Variants in ZNF251 observed in about 807,000 individuals in gnomAD.
The protein encoded by ZNF251 is zinc finger protein 251.
In ZNF251, 14 loss-of-function variants were observed where a neutral mutation model predicts 13.5. The observed-to-expected ratio is 1.04, with a 90% CI of 0.69 to 1.63. The LOEUF (loss-of-function observed/expected upper bound fraction) is 1.63. Ranked by LOEUF, ZNF251 falls within the 40% of genes most tolerant of loss-of-function variation. ZNF251 has a pLI of 0.00. For synonymous variants in ZNF251, 287 were observed against 295.2 expected (o/e 0.97, Z 0.28); for missense variants, 764 against 834.9 (o/e 0.92, Z 1.05).
intron 4 of ZNF251, among the ~76,000 whole-genome samples, chr8:144,747,375 G>C (rs1033866916): frequency 1.3e-5 from 2 of 152,154 alleles, no homozygotes; most frequent in Admixed American, 1.3e-4. Context: ...CCCAGAATGT[G>C]GTCTATCTTA....
At chr8:144,744,401 C>CT (rs1186138280) in intron 4 of ZNF251, among the ~76,000 whole-genome samples, 1 of 152,148 alleles carries the variant, frequency 6.6e-6, no homozygotes, top group Admixed American at 6.5e-5. Flanking sequence ...AAGGTCACCT[C>CT]TTTTTTTCCT....
intron 4 of ZNF251, among the ~76,000 whole-genome samples, chr8:144,727,475 G>C (rs868617497): frequency 6.6e-5 from 10 of 152,302 alleles, no homozygotes; most frequent in Non-Finnish European, 1.0e-4. Context: ...TGGACAACGT[G>C]CTGCAGCTTC....
chr8:144,743,428 G>A (rs766773371), intron 4 of ZNF251, among the ~76,000 whole-genome samples: 3 of 152,102 alleles, frequency 2.0e-5, no homozygotes, highest in East Asian at 1.9e-4. Context: ...TTATTTACCC[G>A]CTTATCTACT....
At chr8:144,728,101 AG>A (rs1441590159) in intron 4 of ZNF251, among the ~76,000 whole-genome samples, 3 of 152,166 alleles carry the variant, frequency 2.0e-5, no homozygotes, top group African/African-American at 7.2e-5. Flanking sequence ...ATAAAGCGAG[AG>A]GTGTGTGACT....
In ZNF251 at chr8:144,755,422, G is replaced by C; in HGVS notation, c.-93C>G. 7.8e-7 allele frequency: 1 copy of C among 1,288,058 alleles called. No homozygotes were observed. The highest frequency in any genetic ancestry group is 1.0e-6 in the Non-Finnish European group (1 of 988,840). The allele number at this position is 1,288,058 out of a possible 1,614,324, so 79.8% of individuals were successfully genotyped here. On this transcript the variant is annotated 5_prime_UTR_variant, in exon 1 of 5. Transcript: ENST00000292562. ...TGCCCCACCTGTTTGCTCGACCCGGGGAAGCCACCGAGGAAGCGCCGAGGA... is the reference window on the plus strand; with the variant it reads ...TGCCCCACCTGTTTGCTCGACCCGGCGAAGCCACCGAGGAAGCGCCGAGGA...
chr8:144,754,641 CT>C, intron 2 of ZNF251, 54 bp downstream of exon 2: 1 of 1,567,158 alleles, frequency 6.4e-7, no homozygotes, highest in South Asian at 1.2e-5. Context: ...AGAGTAGCTT[CT>C]GACTGGGATG....
chr8:144,753,571 C>T (rs902413601), intron 4 of ZNF251, 112 bp downstream of exon 4: 10 of 756,052 alleles, frequency 1.3e-5, no homozygotes, highest in Non-Finnish European at 1.3e-5. Context: ...GTGAGACTGC[C>T]CCTGGGGGAG....
chr8:144,755,092 C>T, intron 1 of ZNF251: 1 of 1,260,982 alleles, frequency 7.9e-7, no homozygotes, highest in Non-Finnish European at 1.0e-6. Context: ...TTCTACCTGC[C>T]TGGCCAACCT....
At chr8:144,738,646 AC>A (rs1411243062) in intron 4 of ZNF251, 1 of 985,092 alleles carries the variant, frequency 1.0e-6, no homozygotes, top group Admixed American at 6.2e-5. Context: ...ATAGATTTAG[AC>A]TCAGTCAGGC....
intron 4 of ZNF251, among the ~76,000 whole-genome samples, chr8:144,744,187 T>G (rs550473785): frequency 3.3e-5 from 5 of 152,094 alleles, no homozygotes; most frequent in African/African-American, 1.2e-4. Flanking sequence ...GGTTTTTGTA[T>G]TTTTAGTAGA....
chr8:144,753,056 TG>T (rs1307359322), intron 4 of ZNF251, among the ~76,000 whole-genome samples: 1 of 151,942 alleles, frequency 6.6e-6, no homozygotes, highest in African/African-American at 2.4e-5. Context: ...ATGGATCACT[TG>T]ATCTCAAGAA....
chr8:144,735,406 T>C (rs1255165878), intron 4 of ZNF251, among the ~76,000 whole-genome samples: 1 of 150,474 alleles, frequency 6.6e-6, no homozygotes, highest in Non-Finnish European at 1.5e-5. Context: ...AAAAAGAGAT[T>C]TTGTATTTTT....
chr8:144,751,606 A>G (rs1824695673), intron 4 of ZNF251, among the ~76,000 whole-genome samples: 1 of 152,238 alleles, frequency 6.6e-6, no homozygotes, highest in Non-Finnish European at 1.5e-5. Context: ...TGGAGTTATA[A>G]AAAGTATTCA....
intron 4 of ZNF251, among the ~76,000 whole-genome samples, chr8:144,746,227 C>T (rs189238753): frequency 3.3e-4 from 50 of 152,286 alleles, no homozygotes; most frequent in African/African-American, 9.1e-4. Flanking sequence ...ATGCTTTCTC[C>T]GCATCTACTG....
intron 1 of ZNF251, 168 bp from the exon 2 acceptor site, chr8:144,754,971 CGGCCAG>C: frequency 7.2e-7 from 1 of 1,398,052 alleles, no homozygotes; most frequent in Non-Finnish European, 9.2e-7. Flanking sequence ...AATCCCAGAA[CGGCCAG>C]AGCCAGAGCC....
At chr8:144,728,354 C>T (rs1486700895) in intron 4 of ZNF251, among the ~76,000 whole-genome samples, 1 of 151,932 alleles carries the variant, frequency 6.6e-6, no homozygotes, top group East Asian at 1.9e-4. Flanking sequence ...TCACAGAGCA[C>T]CATAACAGAT....
In ZNF251 at chr8:144,753,669, C is replaced by T. The variant is rs1161805639; in HGVS notation, c.277+14G>A. 6.4e-7 allele frequency: 1 copy of T among 1,552,918 alleles called. No individual in the cohort carries two copies. Among genetic ancestry groups the T allele is most frequent in the South Asian group, 1.2e-5 (1 of 84,554 alleles). On this transcript the variant is annotated intron_variant, in intron 4 of 4. Transcript: ENST00000292562. ...GGAGGCTGCTCCCAGGATTAGCATCCCATCCATTCTCACCTTTCTGGCAGC... is the reference window on the plus strand; with the variant it reads ...GGAGGCTGCTCCCAGGATTAGCATCTCATCCATTCTCACCTTTCTGGCAGC...
intron 4 of ZNF251, among the ~76,000 whole-genome samples, chr8:144,744,875 G>T (rs1203982060): frequency 2.0e-5 from 3 of 152,206 alleles, no homozygotes; most frequent in Non-Finnish European, 2.9e-5. Flanking sequence ...GGCCAACATG[G>T]CAAAACCCCA....
chr8:144,737,561 G>T (rs1196161441), intron 4 of ZNF251, among the ~76,000 whole-genome samples: 1 of 151,748 alleles, frequency 6.6e-6, no homozygotes, highest in Non-Finnish European at 1.5e-5. Context: ...GGGCGCAGTG[G>T]CTCACACCTG....
Sources: gnomAD v4.1 joint callset for allele counts (sites outside exome capture counted in the v4.1 genomes callset) on GRCh38, gnomAD v4.1.1 for gene constraint, MANE v1.5 for transcripts, NCBI Gene and HGNC (gene_info 2026-07-23, HGNC 2026-07-21) for gene names.